Variants in TMEFF2 observed in about 807,000 individuals in gnomAD.
The protein encoded by TMEFF2 is transmembrane protein with EGF like and two follistatin like domains 2.
A neutral mutation model predicts 53.8 loss-of-function variants in TMEFF2; 28 were observed. The observed-to-expected ratio is 0.52, with a 90% CI of 0.39 to 0.71. The LOEUF (loss-of-function observed/expected upper bound fraction) is 0.71, where lower values mean the gene tolerates loss of function less well. Ranked by LOEUF, TMEFF2 falls within the 30% of genes least tolerant of loss-of-function variation. The pLI is 0.00. For synonymous variants in TMEFF2, 162 were observed against 166.3 expected, an observed-to-expected ratio of 0.97 and a Z score of 0.20; for missense variants, 353 against 455.2, an observed-to-expected ratio of 0.78 and a Z score of 2.04.
intron 4 of TMEFF2, among the ~76,000 whole-genome samples, chr2:192,082,362 C>T (rs1056275146): frequency 6.6e-6 from 1 of 152,172 alleles, no homozygotes; most frequent in African/African-American, 2.4e-5. Flanking sequence ...GAGCGCCAAA[C>T]AGCACTGGAG....
intron 7 of TMEFF2, among the ~76,000 whole-genome samples, chr2:191,963,878 C>G (rs1016693769): frequency 7.2e-5 from 11 of 152,134 alleles, no homozygotes; most frequent in Non-Finnish European, 1.6e-4. Flanking sequence ...TGTGTTAATA[C>G]TTAACATGGT....
chr2:192,109,583 A>C (rs1281732425), intron 4 of TMEFF2, among the ~76,000 whole-genome samples: 2 of 152,150 alleles, frequency 1.3e-5, no homozygotes, highest in Admixed American at 1.3e-4. Flanking sequence ...AAATAAGTAG[A>C]CAGCTTCAAG....
chr2:192,098,598 G>A (rs1688966651), intron 4 of TMEFF2, among the ~76,000 whole-genome samples: 1 of 152,166 alleles, frequency 6.6e-6, no homozygotes, highest in Non-Finnish European at 1.5e-5. Flanking sequence ...TGAGCTGGAG[G>A]CAGAAGCCAT....
At chr2:192,040,102 C>T (rs1430037713) in intron 5 of TMEFF2, among the ~76,000 whole-genome samples, 1 of 151,954 alleles carries the variant, frequency 6.6e-6, no homozygotes, top group Non-Finnish European at 1.5e-5. Flanking sequence ...ATTAAATGTA[C>T]ACAGTATACA....
intron 4 of TMEFF2, among the ~76,000 whole-genome samples, chr2:192,137,395 T>C (rs2105985758): frequency 6.6e-6 from 1 of 152,274 alleles, no homozygotes; most frequent in South Asian, 2.1e-4. Context: ...GAGAGTGTGC[T>C]ACAAAGTAGG....
intron 4 of TMEFF2, among the ~76,000 whole-genome samples, chr2:192,120,048 A>G (rs528344397): frequency 6.6e-6 from 1 of 152,294 alleles, no homozygotes; most frequent in Admixed American, 6.5e-5. Context: ...TTTATCAATT[A>G]AGATGGTCCC....
chr2:191,950,384 A>C lies in TMEFF2; in HGVS notation c.1052T>G (p.Ile351Ser), dbSNP rs1182485378. ...ITRKCPRSNR[I>S]HRQKQNTGHY... is the part of the protein sequence containing the mutation. Reference sequence around the variant, plus strand: ...CCCTGTATTTTGCTTCTGTCTGTGAATTCTGTTGCTTCTGGGGCATTTCCT... The same window carrying C: ...CCCTGTATTTTGCTTCTGTCTGTGACTTCTGTTGCTTCTGGGGCATTTCCT... Residue 351 changes from isoleucine (I) to serine (S), a missense_variant, in exon 10 of 10, where the codon ATT (isoleucine) becomes AGT (serine). Ile to Ser is a moderately radical substitution (Grantham distance 142). Around this residue, in one of 3 missense-constraint regions of TMEFF2, gnomAD observed 294 missense variants for 397.3 expected, o/e 0.74. Transcript: ENST00000272771. 1 of 1,613,970 alleles carries C rather than the reference A, an allele frequency of 6.2e-7. No individual in the cohort carries two copies. The highest frequency in any genetic ancestry group is 1.1e-5 in the South Asian group (1 of 91,066).
chr2:192,191,456 A>C (rs1192873300), intron 2 of TMEFF2, among the ~76,000 whole-genome samples: 1 of 152,154 alleles, frequency 6.6e-6, no homozygotes, highest in Non-Finnish European at 1.5e-5. Flanking sequence ...TCAGGTTGCA[A>C]GGATAATAAA....
At chr2:192,068,676 C>T (rs1204165806) in intron 4 of TMEFF2, among the ~76,000 whole-genome samples, 6 of 151,702 alleles carry the variant, frequency 4.0e-5, no homozygotes, top group Non-Finnish European at 8.8e-5. Context: ...GGGCTTTATC[C>T]TTTTCTTTTA....
intron 4 of TMEFF2, among the ~76,000 whole-genome samples, chr2:192,060,478 G>C (rs755447203): frequency 3.3e-5 from 5 of 152,162 alleles, no homozygotes; most frequent in Non-Finnish European, 5.9e-5. Flanking sequence ...ACATGAAACA[G>C]ACTATACTAG....
At chr2:192,102,466 T>TA (rs1463827870) in intron 4 of TMEFF2, among the ~76,000 whole-genome samples, 3 of 152,254 alleles carry the variant, frequency 2.0e-5, no homozygotes, top group East Asian at 3.9e-4. Context: ...TCTGCTCCCC[T>TA]ACTCTAGCCT....
intron 4 of TMEFF2, among the ~76,000 whole-genome samples, chr2:192,108,471 C>T (rs974780172): frequency 2.6e-5 from 4 of 151,824 alleles, no homozygotes; most frequent in African/African-American, 9.7e-5. Flanking sequence ...TGCTTTTTAA[C>T]CTTCGTGTTT....
At chr2:192,064,895 G>C (rs1173785265) in intron 4 of TMEFF2, among the ~76,000 whole-genome samples, 1 of 151,826 alleles carries the variant, frequency 6.6e-6, no homozygotes, top group South Asian at 2.1e-4. Context: ...AGTTATCAAA[G>C]CAAGGAATAT....
chr2:192,071,586 C>A (rs1037476732), intron 4 of TMEFF2, among the ~76,000 whole-genome samples: 5 of 151,796 alleles, frequency 3.3e-5, no homozygotes, highest in African/African-American at 1.2e-4. Context: ...GGGATTAGTT[C>A]CAGGAACTCC....
At chr2:192,051,082 G>A (rs1239112007) in intron 5 of TMEFF2, among the ~76,000 whole-genome samples, 5 of 152,104 alleles carry the variant, frequency 3.3e-5, no homozygotes, top group African/African-American at 1.2e-4. Context: ...GACAGCTACT[G>A]TCTTCAAGGT....
intron 4 of TMEFF2, among the ~76,000 whole-genome samples, chr2:192,153,345 T>G (rs1690432266): frequency 6.6e-6 from 1 of 151,874 alleles, no homozygotes; most frequent in Admixed American, 6.6e-5. Context: ...CACAGATGAC[T>G]TTGCATCTAA....
chr2:192,134,590 C>T (rs1330827369), intron 4 of TMEFF2, among the ~76,000 whole-genome samples: 1 of 152,108 alleles, frequency 6.6e-6, no homozygotes, highest in Non-Finnish European at 1.5e-5. Flanking sequence ...ATTATTCAGG[C>T]CCCCTCCCTT....
intron 5 of TMEFF2, among the ~76,000 whole-genome samples, chr2:192,040,283 C>T (rs1326145088): frequency 2.0e-5 from 3 of 152,114 alleles, no homozygotes; most frequent in South Asian, 4.1e-4. Context: ...TCCTTTAAAT[C>T]TATTATTTCT....
chr2:191,962,713 T>A (rs1171289734), intron 7 of TMEFF2, among the ~76,000 whole-genome samples: 1 of 152,226 alleles, frequency 6.6e-6, no homozygotes, highest in East Asian at 1.9e-4. Flanking sequence ...ATAACAAGGC[T>A]CATGTAGATT....
Sources: gnomAD v4.1 joint callset for allele counts (sites outside exome capture counted in the v4.1 genomes callset) on GRCh38, gnomAD v4.1.1 for gene constraint, gnomAD v4.1.1 regional missense constraint, MANE v1.5 for transcripts, NCBI Gene and HGNC (gene_info 2026-07-23, HGNC 2026-07-21) for gene names.